The following BAD variants were observed in gnomAD, a reference collection of about 807,000 sequenced individuals.
BAD encodes the protein bcl2-associated agonist of cell death.
In BAD, 18 loss-of-function variants were observed where a neutral mutation model predicts 17.8. The ratio of observed to expected loss-of-function variants is 1.01; its 90% confidence interval spans 0.70 to 1.50. The LOEUF (loss-of-function observed/expected upper bound fraction) is 1.50. BAD is among the 40% of genes most tolerant of loss of function. The pLI is 0.00. For synonymous variants in BAD, 112 were observed against 91.5 expected (o/e 1.22, Z -1.28); for missense variants, 294 against 239.3 (o/e 1.23, Z -1.51).
At chr11:64,275,030 G>T (rs1052797039) in intron 2 of BAD, among the ~76,000 whole-genome samples, 6 of 143,078 alleles carry the variant, frequency 4.2e-5, no homozygotes, top group African/African-American at 1.6e-4. Context: ...GTAAGGGAAC[G>T]AGAGGACGGA....
chr11:64,281,549 C>T (rs34292685), intron 2 of BAD, among the ~76,000 whole-genome samples: 18,361 of 152,240 alleles, frequency 0.12, 1,373 homozygotes, highest in Non-Finnish European at 0.16. Context: ...CTCCCCTAGG[C>T]CCACCCTAGC....
rs60203638 is a variant in BAD, at chr11:64,274,277, C to T, written c.188-2474G>A. On this transcript the variant is annotated intron_variant, in intron 2 of 3. Coordinates refer to ENST00000309032, the MANE Select transcript of BAD (RefSeq NM_032989.3). ...GTGGCTGGCGCCTTAGTTCCAGCTA[C>T]TCGGGAGGGTGAGGCAGGACAATGG... Among the ~76,000 whole-genome samples the T allele has an allele frequency of 3.1e-3, 469 of 152,174 alleles. 3 individuals carry two copies. Among genetic ancestry groups the T allele is most frequent in the African/African-American group, 9.6e-3 (397 of 41,504 alleles).
At chr11:64,274,232 C>T (rs1420222724) in intron 2 of BAD, among the ~76,000 whole-genome samples, 4 of 150,360 alleles carry the variant, frequency 2.7e-5, no homozygotes, top group African/African-American at 4.9e-5. Context: ...ACTAAAAGTA[C>T]AAAAAATTAG....
chr11:64,283,397 G>C (rs558801341), intron 2 of BAD, among the ~76,000 whole-genome samples: 16 of 152,232 alleles, frequency 1.1e-4, no homozygotes, highest in Non-Finnish European at 1.8e-4. Context: ...CAGGTGCCAA[G>C]GCCAGTGCTG....
At chr11:64,274,726 C>T (rs889832320) in intron 2 of BAD, among the ~76,000 whole-genome samples, 3 of 151,798 alleles carry the variant, frequency 2.0e-5, no homozygotes, top group African/African-American at 4.8e-5. Flanking sequence ...GAGGCTGAGG[C>T]GGGAGAATCA....
chr11:64,284,247 G>A lies in BAD; in HGVS notation c.122C>T (p.Ala41Val), dbSNP rs758407783. ...ACTGGCGTCCCACAGGAGGCCTGGGGCCTGGCGATGATGCTTGCCGGAGCC... is the reference window on the plus strand; with the variant it reads ...ACTGGCGTCCCACAGGAGGCCTGGGACCTGGCGATGATGCTTGCCGGAGCC... ...PSGSGKHHRQ[A>V]PGLLWDASHQ... The change falls in exon 2 of 4, where the codon GCC becomes GTC. Residue 41 changes from alanine (A) to valine (V), a missense_variant. Ala to Val is a moderately conservative substitution (Grantham distance 64). Coordinates refer to ENST00000309032, the MANE Select transcript of BAD (RefSeq NM_032989.3). 16 of 1,610,746 alleles carry A rather than the reference G, an allele frequency of 9.9e-6. No homozygotes were observed. The highest frequency in any genetic ancestry group is 1.3e-5 in the African/African-American group (1 of 74,862).
intron 2 of BAD, among the ~76,000 whole-genome samples, chr11:64,278,814 A>C (rs1034647744): frequency 6.6e-6 from 1 of 152,200 alleles, no homozygotes; most frequent in Non-Finnish European, 1.5e-5. Context: ...AGGGACTATG[A>C]GGAGTGACCG....
Position 64,270,176 on chromosome 11 carries a change from G to A in BAD, c.*33C>T. ...TCAAGATGGCTGCCCAGGGCAGTGG[G>A]AACGGGTGGAGTTTCGGGATGTGGA... On this transcript the variant is annotated 3_prime_UTR_variant, in exon 4 of 4. Coordinates refer to ENST00000309032, the MANE Select transcript of BAD (RefSeq NM_032989.3). 6.2e-7 allele frequency: 1 copy of A among 1,613,952 alleles called. No homozygotes were observed. The highest frequency in any genetic ancestry group is 1.1e-5 in the South Asian group (1 of 91,056).
At chr11:64,284,065 T>C (rs945321999) in intron 2 of BAD, 117 bp downstream of exon 2, 2 of 1,241,154 alleles carry the variant, frequency 1.6e-6, no homozygotes, top group Admixed American at 5.0e-5. Flanking sequence ...AAACTGGGGC[T>C]CTGAGAGTTT....
chr11:64,276,819 T>C (rs2033099964), intron 2 of BAD: 2 of 677,756 alleles, frequency 3.0e-6, no homozygotes, highest in South Asian at 3.2e-5. Context: ...ACTCTTGCCA[T>C]CCGCCTAGAG....
At chr11:64,280,439 C>T (rs2033385838) in intron 2 of BAD, among the ~76,000 whole-genome samples, 2 of 146,694 alleles carry the variant, frequency 1.4e-5, no homozygotes, top group Admixed American at 1.3e-4. Flanking sequence ...GCAAGCTCTG[C>T]CTCCCGGGTT....
chr11:64,270,257 G>T lies in BAD; in HGVS notation c.459C>A (p.Ser153=), dbSNP rs1425334488. Residue 153 remains serine (S), a synonymous_variant, in exon 4 of 4, where the codon TCC becomes TCA. Transcript: ENST00000309032. ...QSSSWTRVFQ[S]WWDRNLGRGS... The stretch of plus-strand genomic sequence containing the variant: ...CCCTGCCCAAGTTCCGATCCCACCA[G>T]GACTGGAAGACTCGCGTCCAGCTGG... 4 of 1,599,200 alleles carry T rather than the reference G, an allele frequency of 2.5e-6. No individual in the cohort carries two copies. In the South Asian group the frequency reaches 4.4e-5, roughly 18 times the overall value.
chr11:64,271,821 G>A lies in BAD; in HGVS notation c.188-18C>T, dbSNP rs2032647814. 2 of 1,375,474 alleles carry A rather than the reference G, an allele frequency of 1.5e-6. No individual in the cohort carries two copies. The highest frequency in any genetic ancestry group is 1.8e-5 in the South Asian group (1 of 56,422). 85.2% of individuals were successfully genotyped at this position (1,375,474 alleles called of 1,614,324 possible). On this transcript the variant is annotated intron_variant, in intron 2 of 3. Transcript: ENST00000309032. ...CCCAGCGCCTGCAGAGGGTCAGTGG[G>A]TAGGGGGGCGACGTTAATCTCAGCT...
intron 2 of BAD, among the ~76,000 whole-genome samples, chr11:64,274,769 C>T (rs553333655): frequency 1.3e-5 from 2 of 150,120 alleles, no homozygotes; most frequent in South Asian, 2.1e-4. Context: ...TGCAGTGAGC[C>T]GAGATTGCAC....
At chr11:64,284,145 G>T in intron 2 of BAD, 37 bp downstream of exon 2, 1 of 1,534,488 alleles carries the variant, frequency 6.5e-7, no homozygotes, top group South Asian at 1.2e-5. Flanking sequence ...GGCTGGGGGT[G>T]AGGTGTCCCG....
chr11:64,273,074 A>G (rs935307588), intron 2 of BAD, among the ~76,000 whole-genome samples: 1 of 152,294 alleles, frequency 6.6e-6, no homozygotes, highest in Middle Eastern at 3.4e-3. Context: ...AATTTAAAAA[A>G]TTAATAAAAG....
chr11:64,282,633 C>G (rs1357140208), intron 2 of BAD, among the ~76,000 whole-genome samples: 1 of 152,110 alleles, frequency 6.6e-6, no homozygotes, highest in Non-Finnish European at 1.5e-5. Context: ...AATCCCAACA[C>G]TGTTGGGAGG....
intron 1 of BAD, 39 bp downstream of exon 1, chr11:64,284,592 G>T (rs2033728401): frequency 1.3e-6 from 2 of 1,497,746 alleles, no homozygotes; most frequent in Non-Finnish European, 1.8e-6. Context: ...GGTGGACCCA[G>T]GCCCCGCCCC....
upstream of BAD, chr11:64,284,695 GGCCCTAGTT>G (rs543991860): frequency 2.7e-4 from 410 of 1,535,878 alleles, 6 homozygotes; most frequent in South Asian, 4.5e-3. Context: ...CCGGGCTCCG[GGCCCTAGTT>G]GCTTGGGCAA....
Sources: gnomAD v4.1 joint callset for allele counts (sites outside exome capture counted in the v4.1 genomes callset) on GRCh38, gnomAD v4.1.1 for gene constraint, MANE v1.5 for transcripts, NCBI Gene and HGNC (gene_info 2026-07-23, HGNC 2026-07-21) for gene names.